The following SLC22A2 variants were observed in gnomAD, a reference collection of about 807,000 sequenced individuals.
SLC22A2 encodes the protein organic cation transporter 2.
A neutral mutation model predicts 60.5 loss-of-function variants in SLC22A2; 46 were observed. The ratio of observed to expected loss-of-function variants is 0.76; its 90% CI spans 0.60 to 0.97. The LOEUF (loss-of-function observed/expected upper bound fraction) is 0.97, where lower values mean the gene tolerates loss of function less well. SLC22A2 is among the 50% of genes least tolerant of loss of function. The probability of loss-of-function intolerance (pLI) is 0.00; values close to 1 mark genes in which losing one functional copy is unlikely to be tolerated. For synonymous variants in SLC22A2, 303 were observed against 267.0 expected, an observed-to-expected ratio of 1.13 and a Z score of -1.31; for missense variants, 701 against 706.6, an observed-to-expected ratio of 0.99 and a Z score of 0.09.
intron 9 of SLC22A2, among the ~76,000 whole-genome samples, chr6:160,240,127 C>A (rs977316751): frequency 3.3e-5 from 5 of 152,100 alleles, no homozygotes; most frequent in Non-Finnish European, 7.3e-5. Context: ...ACAGACACAT[C>A]TGTGGCTGTT....
intron 5 of SLC22A2, 57 bp from the exon 6 acceptor site, chr6:160,245,602 C>G: frequency 9.7e-7 from 1 of 1,031,954 alleles, no homozygotes; most frequent in Non-Finnish European, 1.4e-6. Context: ...GTCCCTGGGT[C>G]ACATAGGGAA....
chr6:160,242,659 G>A (rs192808950), intron 7 of SLC22A2, among the ~76,000 whole-genome samples: 11 of 152,240 alleles, frequency 7.2e-5, no homozygotes, highest in African/African-American at 2.6e-4. Flanking sequence ...GCAAAATGGA[G>A]AGGAAGGTAC....
At chr6:160,226,359 C>T (rs1006690119) in intron 9 of SLC22A2, among the ~76,000 whole-genome samples, 1 of 152,150 alleles carries the variant, frequency 6.6e-6, no homozygotes, top group Non-Finnish European at 1.5e-5. Context: ...TCCCACACAG[C>T]CGGCTCTGTG....
Position 160,250,527 on chromosome 6 carries a change from T to C in SLC22A2, c.673+21A>G, listed in dbSNP as rs751810550. On this transcript the variant is annotated intron_variant, in intron 3 of 10. Transcript: ENST00000366953. ...AGCGAGGTTGCTTTGTTCTCACAGT[T>C]GCAAGCACAAACATTCTTACTCAGG... 2.0e-5 allele frequency: 33 copies of C among 1,613,676 alleles called. No individual in the cohort carries two copies. In the South Asian group the frequency reaches 3.5e-4, roughly 17 times the overall value.
At chr6:160,223,345 C>T (rs559885996) in intron 10 of SLC22A2, among the ~76,000 whole-genome samples, 3 of 152,284 alleles carry the variant, frequency 2.0e-5, no homozygotes, top group African/African-American at 7.2e-5. Context: ...ATTCCATAGA[C>T]AACCAGTGTT....
At chr6:160,258,221 G>C in intron 1 of SLC22A2, 123 bp downstream of exon 1, 1 of 1,128,076 alleles carries the variant, frequency 8.9e-7, no homozygotes. Context: ...GATTTTGTAA[G>C]ATACATGCAG....
chr6:160,231,908 G>A (rs1477229198), intron 9 of SLC22A2, among the ~76,000 whole-genome samples: 8 of 151,844 alleles, frequency 5.3e-5, no homozygotes, highest in Non-Finnish European at 1.0e-4. Flanking sequence ...TCTTATACAA[G>A]GACCAGGACT....
chr6:160,253,338 A>C (rs533136581), intron 2 of SLC22A2, among the ~76,000 whole-genome samples: 34 of 152,368 alleles, frequency 2.2e-4, no homozygotes, highest in African/African-American at 7.7e-4. Context: ...CTTATGCAGA[A>C]ATTTCTAGGA....
intron 9 of SLC22A2, among the ~76,000 whole-genome samples, chr6:160,239,066 G>A (rs1450541052): frequency 1.3e-5 from 2 of 152,026 alleles, no homozygotes; most frequent in African/African-American, 4.8e-5. Flanking sequence ...AAAGAAGCTG[G>A]CCCAAACCCA....
intron 6 of SLC22A2, chr6:160,244,911 T>A (rs1562436297): frequency 6.6e-6 from 1 of 152,202 alleles, no homozygotes; most frequent in Non-Finnish European, 1.5e-5. Flanking sequence ...GTGAAGCCAC[T>A]GGAATTATTC....
At chr6:160,233,911 A>G (rs1450645300) in intron 9 of SLC22A2, among the ~76,000 whole-genome samples, 1 of 151,874 alleles carries the variant, frequency 6.6e-6, no homozygotes, top group Non-Finnish European at 1.5e-5. Flanking sequence ...TCTTATTAAT[A>G]TAAGGAGACA....
chr6:160,236,417 A>G (rs1200072524), intron 9 of SLC22A2, among the ~76,000 whole-genome samples: 1 of 152,218 alleles, frequency 6.6e-6, no homozygotes, highest in African/African-American at 2.4e-5. Context: ...TACAGCTTGT[A>G]GCAATTAAGT....
intron 6 of SLC22A2, chr6:160,244,619 T>G (rs1465516379): frequency 6.6e-6 from 1 of 152,152 alleles, no homozygotes; most frequent in East Asian, 1.9e-4. Context: ...TTACATGTAA[T>G]GGAAAATATG....
intron 9 of SLC22A2, among the ~76,000 whole-genome samples, chr6:160,227,956 T>C (rs1365281806): frequency 6.6e-6 from 1 of 152,238 alleles, no homozygotes; most frequent in African/African-American, 2.4e-5. Flanking sequence ...CATCAGGAAG[T>C]TACCCTATAT....
intron 9 of SLC22A2, among the ~76,000 whole-genome samples, chr6:160,239,151 G>A (rs1330066549): frequency 6.6e-6 from 1 of 152,172 alleles, no homozygotes; most frequent in Non-Finnish European, 1.5e-5. Context: ...TAATGCATTA[G>A]CATGTTAAAA....
At chr6:160,249,629 A>G (rs1783152086) in intron 3 of SLC22A2, among the ~76,000 whole-genome samples, 1 of 152,244 alleles carries the variant, frequency 6.6e-6, no homozygotes, top group Non-Finnish European at 1.5e-5. Context: ...ATAAGCAAAC[A>G]CATTTGATTT....
In SLC22A2 at chr6:160,241,514, C is replaced by A. The variant is rs1276145988; in HGVS notation, c.1461G>T (p.Arg487=). Residue 487 remains arginine (R), a synonymous_variant, in exon 9 of 11, where the codon CGG becomes CGT. Coordinates refer to ENST00000366953, the MANE Select transcript of SLC22A2 (RefSeq NM_003058.4). The part of the protein sequence containing the change: ...GGIITPFLVY[R]LTNIWLELPL... ...GGAGCTCAAGCCAGATGTTAGTGAG[C>A]CGGTAGACCAGGAATGGCGTGATGA... is the stretch of plus-strand genomic sequence containing the variant. 6.2e-7 allele frequency: 1 copy of A among 1,613,458 alleles called. No homozygotes were observed. Among genetic ancestry groups the A allele is most frequent in the Non-Finnish European group, 8.5e-7 (1 of 1,179,624 alleles).
intron 9 of SLC22A2, among the ~76,000 whole-genome samples, chr6:160,231,838 G>C (rs117665036): frequency 6.6e-6 from 1 of 151,812 alleles, no homozygotes; most frequent in African/African-American, 2.4e-5. Flanking sequence ...CTGGCTCTCC[G>C]TAACTCTTCA....
intron 6 of SLC22A2, 56 bp downstream of exon 6, chr6:160,245,383 G>A (rs1376718176): frequency 3.0e-6 from 3 of 986,026 alleles, no homozygotes; most frequent in Non-Finnish European, 4.7e-6. Context: ...TCCTTACTAT[G>A]GATGACTGTG....
Sources: allele counts gnomAD v4.1 joint callset (sites outside exome capture counted in the v4.1 genomes callset), GRCh38; gene constraint gnomAD v4.1.1; transcripts MANE v1.5; gene names NCBI Gene and HGNC (gene_info 2026-07-23, HGNC 2026-07-21).